The following PPIL4 variants were observed in gnomAD, a reference collection of about 807,000 sequenced individuals.
PPIL4 encodes the protein peptidyl-prolyl cis-trans isomerase-like 4.
In PPIL4, 50 loss-of-function variants were observed where a neutral mutation model predicts 69.1. The observed-to-expected ratio is 0.72, with a 90% CI of 0.58 to 0.92. The LOEUF is 0.92. PPIL4 is among the 40% of genes least tolerant of loss of function. The pLI is 0.00. For synonymous variants in PPIL4, 193 were observed against 191.6 expected (o/e 1.01, Z -0.06); for missense variants, 480 against 587.9 (o/e 0.82, Z 1.90).
chr6:149,512,944 A>G (rs1422607973), intron 11 of PPIL4, among the ~76,000 whole-genome samples: 1 of 151,684 alleles, frequency 6.6e-6, no homozygotes. Context: ...GGGCTTCCCC[A>G]TGTTGGCCAG....
chr6:149,542,426 T>A (rs558590400), intron 1 of PPIL4, among the ~76,000 whole-genome samples: 1 of 152,204 alleles, frequency 6.6e-6, no homozygotes, highest in African/African-American at 2.4e-5. Context: ...ACAAATGCCA[T>A]TAAACTGTGG....
chr6:149,540,951 A>G lies in PPIL4; in HGVS notation c.312T>C (p.His104=), dbSNP rs1204355062. 2 of 1,588,776 alleles carry G rather than the reference A, an allele frequency of 1.3e-6. No homozygotes were observed. Residue 104 remains histidine, a synonymous_variant, in exon 4 of 13, where the codon CAT becomes CAC. Coordinates refer to ENST00000253329, the MANE Select transcript of PPIL4 (RefSeq NM_139126.4). The part of the protein sequence containing the change: ...VSMVNNGSDQ[H]GSQFLITTGE... ...TTACTCATTTCCTAACCTGAGATCC[A>G]TGTTGATCACTGCCATTATTCACCA...
chr6:149,533,323 A>C, intron 7 of PPIL4, 135 bp downstream of exon 7: 1 of 594,180 alleles, frequency 1.7e-6, no homozygotes, highest in Non-Finnish European at 3.0e-6. Flanking sequence ...TTACTATGCC[A>C]TACCAAATTT....
intron 10 of PPIL4, among the ~76,000 whole-genome samples, chr6:149,520,765 G>A (rs572427907): frequency 3.0e-4 from 45 of 152,284 alleles, no homozygotes; most frequent in African/African-American, 1.0e-3. Flanking sequence ...TGTAATCCCA[G>A]CACTTTGAGA....
intron 12 of PPIL4, among the ~76,000 whole-genome samples, chr6:149,507,781 C>T (rs934947062): frequency 6.6e-6 from 1 of 152,156 alleles, no homozygotes; most frequent in Non-Finnish European, 1.5e-5. Flanking sequence ...GCTACACAAG[C>T]TTTGAAGTCA....
At chr6:149,512,067 T>G in intron 12 of PPIL4, 88 bp downstream of exon 12, 1 of 1,141,658 alleles carries the variant, frequency 8.8e-7, no homozygotes, top group Non-Finnish European at 1.2e-6. Flanking sequence ...GAACTATCCC[T>G]TACCTCCTAA....
chr6:149,528,894 T>G (rs1030471533), intron 7 of PPIL4, among the ~76,000 whole-genome samples: 1 of 152,170 alleles, frequency 6.6e-6, no homozygotes, highest in African/African-American at 2.4e-5. Context: ...ATACAAGCTG[T>G]GATACATCCA....
intron 11 of PPIL4, among the ~76,000 whole-genome samples, chr6:149,515,993 C>T (rs184029958): frequency 1.3e-3 from 191 of 152,318 alleles, no homozygotes; most frequent in Non-Finnish European, 2.2e-3. Context: ...TTTATCTGCA[C>T]ATCAGACTAT....
intron 11 of PPIL4, among the ~76,000 whole-genome samples, chr6:149,513,385 C>CAAAAAA (rs1170985851): frequency 1.2e-4 from 5 of 41,546 alleles, no homozygotes; most frequent in African/African-American, 3.7e-4. Flanking sequence ...GACTCAGTCT[C>CAAAAAA]AAAAAAAAAA....
intron 4 of PPIL4, among the ~76,000 whole-genome samples, chr6:149,537,779 A>G (rs1160411773): frequency 6.6e-6 from 1 of 152,172 alleles, no homozygotes; most frequent in Non-Finnish European, 1.5e-5. Flanking sequence ...CTTGGATGAC[A>G]GCACATCTGT....
At chr6:149,512,994 G>C (rs184337826) in intron 11 of PPIL4, among the ~76,000 whole-genome samples, 100 of 151,160 alleles carry the variant, frequency 6.6e-4, no homozygotes, top group African/African-American at 2.3e-3. Flanking sequence ...CACCCGCCTC[G>C]GCCTCCCAAA....
intron 4 of PPIL4, among the ~76,000 whole-genome samples, chr6:149,539,742 G>A (rs1263754212): frequency 6.6e-6 from 1 of 152,176 alleles, no homozygotes; most frequent in Non-Finnish European, 1.5e-5. Flanking sequence ...ACCCAGATTA[G>A]TCAACGGCCA....
chr6:149,529,182 A>G (rs1777152097), intron 7 of PPIL4, among the ~76,000 whole-genome samples: 1 of 151,964 alleles, frequency 6.6e-6, no homozygotes, highest in South Asian at 2.1e-4. Context: ...GAGCTATGAC[A>G]GCACCACTGC....
rs1260883040 is a variant in PPIL4 at position 149,521,089 on chromosome 6, G to A, written c.953C>T (p.Ser318Leu). The stretch of plus-strand genomic sequence containing the variant: ...TCCTTTCCATTTAACCTTTGCAACC[G>A]ACTGGCTAAAATCCACATGTATTCT... ...DRRIHVDFSQ[S>L]VAKVKWKGKG... is the part of the protein sequence containing the mutation. Residue 318 changes from serine (S) to leucine (L), a missense_variant, in exon 10 of 13, where the codon TCG becomes TTG. Ser to Leu is a moderately radical substitution (Grantham distance 145). Transcript: ENST00000253329. The A allele has an allele frequency of 1.9e-6, 3 of 1,599,412 alleles. No individual in the cohort carries two copies. Among genetic ancestry groups the A allele is most frequent in the Non-Finnish European group, 2.6e-6 (3 of 1,169,550 alleles).
At chr6:149,529,474 A>T (rs539588407) in intron 7 of PPIL4, among the ~76,000 whole-genome samples, 126 of 151,860 alleles carry the variant, frequency 8.3e-4, no homozygotes, top group African/African-American at 2.7e-3. Flanking sequence ...AAAAAAAATT[A>T]AAAAAAGGGC....
intron 12 of PPIL4, among the ~76,000 whole-genome samples, chr6:149,509,674 A>G (rs1776814418): frequency 6.6e-6 from 1 of 152,208 alleles, no homozygotes; most frequent in Admixed American, 6.5e-5. Flanking sequence ...AAATAACATT[A>G]GAGTTTAGGA....
rs959240759 is a variant in PPIL4, at chr6:149,526,156, C to G, written c.803+496G>C. Among the ~76,000 whole-genome samples the G allele has an allele frequency of 3.3e-5, 5 of 151,814 alleles. No individual in the cohort carries two copies. In the East Asian group the frequency reaches 9.6e-4, roughly 29 times the overall value. On this transcript the variant is annotated intron_variant, in intron 8 of 12. Transcript: ENST00000253329. Reference sequence around the variant, plus strand: ...AAAATCCCTGAAACAAAAGGAAACCCTAAATATAATACTTTTTAATCAATT... The same window carrying G: ...AAAATCCCTGAAACAAAAGGAAACCGTAAATATAATACTTTTTAATCAATT...
At chr6:149,532,770 T>C (rs2115037136) in intron 7 of PPIL4, among the ~76,000 whole-genome samples, 1 of 152,302 alleles carries the variant, frequency 6.6e-6, no homozygotes, top group Non-Finnish European at 1.5e-5. Context: ...GCTATGATCA[T>C]ACACCACTGT....
intron 7 of PPIL4, among the ~76,000 whole-genome samples, chr6:149,530,137 A>T (rs965326881): frequency 2.2e-4 from 33 of 152,302 alleles, no homozygotes; most frequent in African/African-American, 7.9e-4. Flanking sequence ...TCTAACGTAA[A>T]TCATGGATTT....
Sources: allele counts gnomAD v4.1 joint callset (sites outside exome capture counted in the v4.1 genomes callset), GRCh38; gene constraint gnomAD v4.1.1; transcripts MANE v1.5; gene names NCBI Gene and HGNC (gene_info 2026-07-23, HGNC 2026-07-21).